ANO3: variants seen among roughly 807,000 people sequenced by gnomAD.
The protein encoded by ANO3 is anoctamin 3, also known as anoctamin-3.
In ANO3, 99 loss-of-function variants were observed where a neutral mutation model predicts 144.8. The ratio of observed to expected loss-of-function variants is 0.68; its 90% CI spans 0.58 to 0.81. The LOEUF is 0.81. Ranked by LOEUF, ANO3 falls within the 30% of genes least tolerant of loss-of-function variation. The probability of loss-of-function intolerance (pLI) is 0.00; values close to 1 mark genes in which losing one functional copy is unlikely to be tolerated. For missense variants in ANO3, 905 were observed against 1,202.2 expected (o/e 0.75, Z 3.66); for synonymous variants, 414 against 392.6 (o/e 1.05, Z -0.64).
At chr11:26,345,932 T>A (rs896122693) in intron 1 of ANO3, among the ~76,000 whole-genome samples, 2 of 152,188 alleles carry the variant, frequency 1.3e-5, no homozygotes, top group East Asian at 1.9e-4. Context: ...AAGCTGGAAT[T>A]TGAATGAGCA....
chr11:26,643,477 C>A, intron 23 of ANO3, 143 bp downstream of exon 23: 1 of 1,043,266 alleles, frequency 9.6e-7, no homozygotes, highest in African/African-American at 1.6e-5. Context: ...TTAAGCTGGC[C>A]GGGCGTGGTG....
At chr11:26,304,278 C>G (rs192609963) in intron 1 of ANO3, among the ~76,000 whole-genome samples, 1 of 151,982 alleles carries the variant, frequency 6.6e-6, no homozygotes, top group Non-Finnish European at 1.5e-5. Context: ...ATGTTGAGTA[C>G]CTATAGCAAT....
chr11:26,262,245 CTATTTT>C (rs1853207253), intron 1 of ANO3, among the ~76,000 whole-genome samples: 1 of 152,194 alleles, frequency 6.6e-6, no homozygotes, highest in African/African-American at 2.4e-5. Flanking sequence ...TCTCGTACTT[CTATTTT>C]TATCTATGTA....
intron 1 of ANO3, among the ~76,000 whole-genome samples, chr11:26,346,881 A>C (rs1165576349): frequency 1.3e-5 from 2 of 152,202 alleles, no homozygotes; most frequent in Admixed American, 1.3e-4. Context: ...TAGTCAAAAA[A>C]AGTGCTCTAG....
At chr11:26,217,767 A>C (rs1302148520) in intron 1 of ANO3, among the ~76,000 whole-genome samples, 1 of 151,982 alleles carries the variant, frequency 6.6e-6, no homozygotes, top group Non-Finnish European at 1.5e-5. Flanking sequence ...TTAAAATTTA[A>C]ACATTTTAAA....
intron 1 of ANO3, among the ~76,000 whole-genome samples, chr11:26,367,039 A>G (rs1299827723): frequency 6.6e-6 from 1 of 152,200 alleles, no homozygotes; most frequent in African/African-American, 2.4e-5. Context: ...GGTGCTGGCA[A>G]AACTGGCTAG....
chr11:26,520,944 T>A (rs2703417), intron 6 of ANO3, among the ~76,000 whole-genome samples: 103,764 of 152,032 alleles, frequency 0.68, 35,613 homozygotes, highest in East Asian at 0.83. Flanking sequence ...TTTCCTAATT[T>A]CCATGTAATA....
At position 26,323,582 on chromosome 11, in the gene ANO3, G is replaced by A. The variant is rs115023117; in HGVS notation, c.-3+13863G>A. Among the ~76,000 whole-genome samples, 605 of 152,190 alleles carry A rather than the reference G, an allele frequency of 4.0e-3. 3 individuals are homozygous for A. The highest frequency in any genetic ancestry group is 0.014 in the African/African-American group (564 of 41,534). Reference sequence around the variant, plus strand: ...ATTTATATTAGCCATTTCAAAACACGTGGGCTTCCTGTGCTCTCCTAGCCT... The same window carrying A: ...ATTTATATTAGCCATTTCAAAACACATGGGCTTCCTGTGCTCTCCTAGCCT... On this transcript the variant is annotated intron_variant, in intron 1 of 26. Transcript: ENST00000525139.
intron 1 of ANO3, among the ~76,000 whole-genome samples, chr11:26,249,864 A>G (rs1390961366): frequency 6.6e-6 from 1 of 152,134 alleles, no homozygotes; most frequent in Non-Finnish European, 1.5e-5. Flanking sequence ...TTCCTATGCA[A>G]AGTCTTCCGC....
At chr11:26,649,465 G>T (rs1289456710) in intron 24 of ANO3, among the ~76,000 whole-genome samples, 1 of 152,146 alleles carries the variant, frequency 6.6e-6, no homozygotes, top group African/African-American at 2.4e-5. Context: ...TCGGCCGGGC[G>T]CGGTGGCTCA....
intron 1 of ANO3, among the ~76,000 whole-genome samples, chr11:26,247,914 TAG>T (rs1852835773): frequency 6.6e-6 from 1 of 151,720 alleles, no homozygotes; most frequent in South Asian, 2.1e-4. Flanking sequence ...GTATTTTTAG[TAG>T]AGACGGGGGT....
upstream of ANO3, among the ~76,000 whole-genome samples, chr11:26,305,120 C>T (rs955212401): frequency 1.4e-4 from 21 of 148,830 alleles, no homozygotes; most frequent in African/African-American, 4.5e-4. Flanking sequence ...TTATGAATTA[C>T]TTTTATTCCA....
At chr11:26,465,802 C>G (rs1859581718) in intron 4 of ANO3, among the ~76,000 whole-genome samples, 1 of 151,838 alleles carries the variant, frequency 6.6e-6, no homozygotes, top group Non-Finnish European at 1.5e-5. Context: ...AATCATTGTG[C>G]AAACATTTTC....
At chr11:26,206,242 A>G (rs1851793103) in intron 1 of ANO3, among the ~76,000 whole-genome samples, 1 of 152,124 alleles carries the variant, frequency 6.6e-6, no homozygotes. Flanking sequence ...TTTATACTCA[A>G]AATTTTACCT....
At chr11:26,263,856 T>C (rs887484534) in intron 1 of ANO3, among the ~76,000 whole-genome samples, 29 of 152,202 alleles carry the variant, frequency 1.9e-4, no homozygotes, top group Non-Finnish European at 2.9e-4. Flanking sequence ...ATGAGTATCA[T>C]TTGGTTCCTA....
chr11:26,214,352 G>T (rs1427530062), intron 1 of ANO3, among the ~76,000 whole-genome samples: 1 of 151,882 alleles, frequency 6.6e-6, no homozygotes, highest in Non-Finnish European at 1.5e-5. Context: ...GTTTACAACT[G>T]TCATGCATTA....
At chr11:26,418,639 G>C (rs1328314085) in intron 1 of ANO3, among the ~76,000 whole-genome samples, 1 of 152,024 alleles carries the variant, frequency 6.6e-6, no homozygotes, top group Non-Finnish European at 1.5e-5. Context: ...TTCTCATTGG[G>C]AATCTCCTTC....
chr11:26,635,268 C>G (rs1209746114), intron 20 of ANO3, among the ~76,000 whole-genome samples, 198 bp downstream of exon 20: 1 of 152,100 alleles, frequency 6.6e-6, no homozygotes, highest in Non-Finnish European at 1.5e-5. Context: ...ATTCTCACCT[C>G]AGCTCTATTT....
intron 4 of ANO3, among the ~76,000 whole-genome samples, chr11:26,483,025 T>C (rs1262215177): frequency 6.6e-6 from 1 of 152,180 alleles, no homozygotes; most frequent in Non-Finnish European, 1.5e-5. Flanking sequence ...AGTGCTGCAA[T>C]AAACATACTA....
Sources: allele counts gnomAD v4.1 joint callset (sites outside exome capture counted in the v4.1 genomes callset), GRCh38; gene constraint gnomAD v4.1.1; transcripts MANE v1.5; gene names NCBI Gene and HGNC (gene_info 2026-07-23, HGNC 2026-07-21).